CCBE1: variants seen among roughly 807,000 people sequenced by gnomAD.
The protein encoded by CCBE1 is collagen and calcium binding EGF domains 1, also known as collagen and calcium-binding EGF domain-containing protein 1.
Under a neutral mutation model 50.0 loss-of-function variants are expected in CCBE1, and 37 were observed. That is an observed-to-expected ratio of 0.74 (90% CI 0.57 to 0.97). The LOEUF (loss-of-function observed/expected upper bound fraction) is 0.97, where lower values mean the gene tolerates loss of function less well. Among genes scored for constraint, CCBE1 ranks in the 50% least tolerant of loss-of-function variants. CCBE1 has a pLI of 0.00. For synonymous variants in CCBE1, 234 were observed against 203.7 expected (o/e 1.15, Z -1.27); for missense variants, 538 against 523.8 (o/e 1.03, Z -0.26).
At chr18:59,568,510 T>C (rs2052862236) in intron 2 of CCBE1, 1 of 152,108 alleles carries the variant, frequency 6.6e-6, no homozygotes, top group South Asian at 2.1e-4. Flanking sequence ...CTTAGCAAGG[T>C]TTCAAGAGAC....
At chr18:59,692,997 CACACACAA>C (rs2054755397) in intron 2 of CCBE1, among the ~76,000 whole-genome samples, 1 of 138,166 alleles carries the variant, frequency 7.2e-6, no homozygotes, top group East Asian at 2.2e-4. Flanking sequence ...CACACACACA[CACACACAA>C]ACAAAAAACG....
intron 2 of CCBE1, among the ~76,000 whole-genome samples, chr18:59,525,220 A>G (rs531712457): frequency 7.9e-5 from 12 of 152,300 alleles, no homozygotes; most frequent in African/African-American, 2.9e-4. Flanking sequence ...CTCTCTTTCC[A>G]CATCCTTGCC....
chr18:59,583,627 C>G (rs1207524666), intron 2 of CCBE1, among the ~76,000 whole-genome samples: 1 of 151,702 alleles, frequency 6.6e-6, no homozygotes, highest in African/African-American at 2.4e-5. Flanking sequence ...AAATAGCAGC[C>G]TAAGGCCTTA....
chr18:59,696,601 G>T (rs1334135226), intron 2 of CCBE1, 28 bp downstream of exon 2: 3 of 1,612,714 alleles, frequency 1.9e-6, no homozygotes, highest in South Asian at 2.2e-5. Flanking sequence ...GCGCAGTGGC[G>T]AACAGCCCGC....
At chr18:59,694,276 G>C (rs2054776299) in intron 2 of CCBE1, among the ~76,000 whole-genome samples, 2 of 152,182 alleles carry the variant, frequency 1.3e-5, no homozygotes, top group Non-Finnish European at 2.9e-5. Flanking sequence ...ACCTGGTAAA[G>C]AGAATTCTAT....
intron 2 of CCBE1, among the ~76,000 whole-genome samples, chr18:59,629,829 G>C (rs886933245): frequency 4.6e-5 from 7 of 152,264 alleles, no homozygotes; most frequent in South Asian, 4.2e-4. Context: ...GTGCCTTCAG[G>C]GGGAGGTAGC....
At chr18:59,694,642 G>A (rs1341176364) in intron 2 of CCBE1, among the ~76,000 whole-genome samples, 2 of 152,228 alleles carry the variant, frequency 1.3e-5, no homozygotes, top group African/African-American at 4.8e-5. Flanking sequence ...CTGGTTTCCA[G>A]ATGATACTTG....
intron 2 of CCBE1, among the ~76,000 whole-genome samples, chr18:59,581,386 A>G (rs576727597): frequency 8.7e-4 from 131 of 151,272 alleles, no homozygotes; most frequent in African/African-American, 3.1e-3. Context: ...AATCTCAGTG[A>G]GCCGAGATCA....
At chr18:59,565,952 A>G (rs1342808976) in intron 2 of CCBE1, among the ~76,000 whole-genome samples, 6 of 152,130 alleles carry the variant, frequency 3.9e-5, no homozygotes, top group Admixed American at 3.9e-4. Context: ...CCCCAAATGC[A>G]TTGCCAAAGA....
intron 3 of CCBE1, among the ~76,000 whole-genome samples, chr18:59,471,128 G>A (rs911588734): frequency 3.9e-5 from 6 of 152,148 alleles, no homozygotes; most frequent in Admixed American, 2.0e-4. Context: ...CCACCATTCC[G>A]CAGCAGCTGG....
intron 2 of CCBE1, among the ~76,000 whole-genome samples, chr18:59,598,617 A>G (rs994197940): frequency 2.0e-5 from 3 of 152,320 alleles, no homozygotes; most frequent in African/African-American, 7.2e-5. Context: ...TTTTCTTTGA[A>G]GAGTCACTGC....
chr18:59,664,426 T>C (rs11875688), intron 2 of CCBE1, among the ~76,000 whole-genome samples: 8,631 of 151,936 alleles, frequency 0.057, 604 homozygotes, highest in African/African-American at 0.16. Context: ...ACAGAAGAGA[T>C]TGCTATGGGA....
chr18:59,589,603 G>A (rs1308077646), intron 2 of CCBE1, among the ~76,000 whole-genome samples: 1 of 151,976 alleles, frequency 6.6e-6, no homozygotes, highest in Non-Finnish European at 1.5e-5. Flanking sequence ...AGACCATCCT[G>A]GCTCACATGG....
intron 2 of CCBE1, among the ~76,000 whole-genome samples, chr18:59,629,573 A>G (rs2053826517): frequency 6.6e-6 from 1 of 152,228 alleles, no homozygotes; most frequent in East Asian, 1.9e-4. Flanking sequence ...AGTGAGTTCC[A>G]TGAATACATG....
intron 2 of CCBE1, among the ~76,000 whole-genome samples, chr18:59,510,482 C>T (rs915340630): frequency 2.0e-5 from 3 of 151,888 alleles, no homozygotes; most frequent in Non-Finnish European, 2.9e-5. Flanking sequence ...AGGGCAATGG[C>T]GTGATCTCAG....
At chr18:59,453,295 A>G (rs1911027836) in intron 6 of CCBE1, among the ~76,000 whole-genome samples, 1 of 152,132 alleles carries the variant, frequency 6.6e-6, no homozygotes, top group Non-Finnish European at 1.5e-5. Context: ...ATGCAAACTT[A>G]CTTCTTCCTC....
intron 3 of CCBE1, among the ~76,000 whole-genome samples, chr18:59,478,395 C>G (rs1000345489): frequency 6.6e-6 from 1 of 152,144 alleles, no homozygotes; most frequent in Admixed American, 6.5e-5. Flanking sequence ...ACAATTATGA[C>G]TAAAGATATC....
chr18:59,670,714 G>A (rs372349236), intron 2 of CCBE1, among the ~76,000 whole-genome samples: 49 of 152,230 alleles, frequency 3.2e-4, no homozygotes, highest in African/African-American at 8.7e-4. Context: ...TTGGGAGGCC[G>A]AGGCGGGAGG....
intron 2 of CCBE1, among the ~76,000 whole-genome samples, chr18:59,642,430 A>T (rs1167228013): frequency 6.6e-6 from 1 of 152,126 alleles, no homozygotes; most frequent in East Asian, 1.9e-4. Flanking sequence ...AGCAAAATCA[A>T]ACATCCCCCC....
Sources: allele counts gnomAD v4.1 joint callset (sites outside exome capture counted in the v4.1 genomes callset), GRCh38; gene constraint gnomAD v4.1.1; transcripts MANE v1.5; gene names NCBI Gene and HGNC (gene_info 2026-07-23, HGNC 2026-07-21).